CKAP5: variants seen among roughly 807,000 people sequenced by gnomAD.
CKAP5 encodes cytoskeleton associated protein 5.
CKAP5 carries 27 observed loss-of-function variants against 232.8 expected under a neutral mutation model. The ratio of observed to expected loss-of-function variants is 0.12; its 90% CI spans 0.09 to 0.16. The LOEUF (loss-of-function observed/expected upper bound fraction) is 0.16. CKAP5 is among the 10% of genes least tolerant of loss of function. CKAP5 has a pLI of 1.00. For missense variants in CKAP5, 1,838 were observed against 2,424.7 expected, an observed-to-expected ratio of 0.76 and a Z score of 5.08; for synonymous variants, 785 against 841.1, an observed-to-expected ratio of 0.93 and a Z score of 1.16.
At chr11:46,788,887 T>C (rs1244754159) in intron 15 of CKAP5, 114 bp from the exon 16 acceptor site, 2 of 721,202 alleles carry the variant, frequency 2.8e-6, no homozygotes, top group Non-Finnish European at 4.7e-6. Context: ...GGAATAGAAC[T>C]GAGGAGGGTT....
intron 17 of CKAP5, among the ~76,000 whole-genome samples, chr11:46,784,176 CTGGCCAACG>C (rs1398452401): frequency 2.6e-5 from 4 of 151,806 alleles, no homozygotes; most frequent in Non-Finnish European, 5.9e-5. Context: ...CGAGACAAGC[CTGGCCAACG>C]TGGCGAAATC....
At chr11:46,792,233 G>A (rs536482849) in intron 13 of CKAP5, among the ~76,000 whole-genome samples, 2 of 152,152 alleles carry the variant, frequency 1.3e-5, no homozygotes, top group South Asian at 2.1e-4. Flanking sequence ...GTTGTTAACA[G>A]ACATCAATTT....
Position 46,816,432 on chromosome 11 carries a change from C to A in CKAP5, c.252-28G>T, listed in dbSNP as rs769616844. On this transcript the variant is annotated intron_variant, in intron 3 of 43. Transcript: ENST00000529230. ...GTAACATATTATAAAGAACAAAAAT[C>A]CCACTTAAGTAGTAAGAATTGGAAA... 12 of 1,589,728 alleles carry A rather than the reference C, an allele frequency of 7.5e-6. No homozygotes were observed. In the South Asian group the frequency reaches 1.2e-4, roughly 16 times the overall value.
At chr11:46,841,040 G>A (rs1244859089) in intron 1 of CKAP5, among the ~76,000 whole-genome samples, 2 of 151,942 alleles carry the variant, frequency 1.3e-5, no homozygotes, top group African/African-American at 2.4e-5. Flanking sequence ...AGGCTGAGGC[G>A]GGCGGATCAC....
At chr11:46,757,817 ACCTCGTGATCCACCCACCTTGGCTT>A (rs1379191529) in intron 35 of CKAP5, among the ~76,000 whole-genome samples, 1 of 149,984 alleles carries the variant, frequency 6.7e-6, no homozygotes, top group Non-Finnish European at 1.5e-5. Flanking sequence ...CGAACTCCTG[ACCTCGTGATCCACCCACCTTGGCTT>A]CCCAAAGTGC....
rs184181523 is a variant in CKAP5 at position 46,770,495 on chromosome 11, G to C, written c.3186+293C>G. 2.8e-3 allele frequency among the ~76,000 whole-genome samples: 421 copies of C among 152,194 alleles called. 2 individuals are homozygous for C. The highest frequency in any genetic ancestry group is 9.6e-3 in the African/African-American group (399 of 41,502). ...TGCCCAGGCTGGAGTGCAGTGGCAC[G>C]ATCTCAGCTGATTGCAACCTCTGCC... On this transcript the variant is annotated intron_variant, in intron 25 of 43. Coordinates refer to ENST00000529230, the MANE Select transcript of CKAP5 (RefSeq NM_001008938.4).
chr11:46,778,861 G>A (rs778408508), intron 20 of CKAP5, among the ~76,000 whole-genome samples: 16 of 152,170 alleles, frequency 1.1e-4, no homozygotes, highest in Non-Finnish European at 1.9e-4. Context: ...GATCATCTGA[G>A]GTCAGGAGTT....
At chr11:46,777,700 T>TA in intron 22 of CKAP5, 148 bp from the exon 23 acceptor site, 1 of 576,506 alleles carries the variant, frequency 1.7e-6, no homozygotes, top group Non-Finnish European at 3.1e-6. Flanking sequence ...CTATTCGACT[T>TA]AGATTATTCT....
At chr11:46,782,300 GT>G (rs2065350983) in intron 18 of CKAP5, among the ~76,000 whole-genome samples, 1 of 152,062 alleles carries the variant, frequency 6.6e-6, no homozygotes, top group Admixed American at 6.6e-5. Context: ...ATATGTAATT[GT>G]TTAATAAATG....
intron 42 of CKAP5, among the ~76,000 whole-genome samples, chr11:46,746,282 C>T: frequency 6.6e-6 from 1 of 152,116 alleles, no homozygotes; most frequent in East Asian, 1.9e-4. Context: ...TAACTGAAAC[C>T]TCCTAAGTCT....
intron 1 of CKAP5, among the ~76,000 whole-genome samples, chr11:46,833,242 G>A (rs1173621639): frequency 1.3e-5 from 2 of 152,046 alleles, no homozygotes; most frequent in Non-Finnish European, 1.5e-5. Context: ...AAGGCAAAAA[G>A]TAGGGACAAC....
chr11:46,832,123 G>A (rs1286328249), intron 1 of CKAP5, among the ~76,000 whole-genome samples: 1 of 152,150 alleles, frequency 6.6e-6, no homozygotes, highest in Non-Finnish European at 1.5e-5. Flanking sequence ...GCCTCCCAAA[G>A]TGCTGGGATT....
At chr11:46,772,491 A>AT (rs1375542226) in intron 24 of CKAP5, among the ~76,000 whole-genome samples, 1 of 152,062 alleles carries the variant, frequency 6.6e-6, no homozygotes, top group Non-Finnish European at 1.5e-5. Flanking sequence ...GGTGAGGTTC[A>AT]TTTTTTTGTT....
intron 1 of CKAP5, among the ~76,000 whole-genome samples, chr11:46,827,097 T>C (rs1592486308): frequency 6.6e-6 from 1 of 152,186 alleles, no homozygotes; most frequent in Non-Finnish European, 1.5e-5. Context: ...ACCTCTTTTT[T>C]TGGTAGTATT....
intron 1 of CKAP5, among the ~76,000 whole-genome samples, chr11:46,834,116 C>T (rs551118318): frequency 2.1e-4 from 32 of 152,266 alleles, no homozygotes; most frequent in Admixed American, 2.0e-3. Context: ...GTGATCCACC[C>T]GGCTTGGCCT....
intron 35 of CKAP5, among the ~76,000 whole-genome samples, chr11:46,756,472 T>C (rs1241164393): frequency 6.6e-6 from 1 of 152,238 alleles, no homozygotes; most frequent in Non-Finnish European, 1.5e-5. Context: ...GAGTAAGTTG[T>C]CAATCTGATG....
intron 2 of CKAP5, among the ~76,000 whole-genome samples, chr11:46,820,243 C>A (rs1939495990): frequency 6.6e-6 from 1 of 152,124 alleles, no homozygotes; most frequent in Admixed American, 6.6e-5. Flanking sequence ...AGAATAAAAA[C>A]CAACTAGCTC....
At chr11:46,777,354 G>T in intron 23 of CKAP5, 85 bp downstream of exon 23, 4 of 764,492 alleles carry the variant, frequency 5.2e-6, no homozygotes, top group South Asian at 1.6e-5. Flanking sequence ...GTCTTTACAT[G>T]ACTCTAAAAA....
At chr11:46,837,052 G>C (rs1358876467) in intron 1 of CKAP5, among the ~76,000 whole-genome samples, 1 of 152,182 alleles carries the variant, frequency 6.6e-6, no homozygotes, top group Non-Finnish European at 1.5e-5. Flanking sequence ...GTAATGAGTG[G>C]AGTCTGAAAG....
Sources: gnomAD v4.1 joint callset for allele counts (sites outside exome capture counted in the v4.1 genomes callset) on GRCh38, gnomAD v4.1.1 for gene constraint, MANE v1.5 for transcripts, NCBI Gene and HGNC (gene_info 2026-07-23, HGNC 2026-07-21) for gene names.